Variants in UTP20 observed in about 807,000 individuals in gnomAD.
The protein encoded by UTP20 is small subunit processome component 20 homolog.
A neutral mutation model predicts 329.5 loss-of-function variants in UTP20; 164 were observed. The ratio of observed to expected loss-of-function variants is 0.50; its 90% CI spans 0.44 to 0.57. The LOEUF (loss-of-function observed/expected upper bound fraction) is 0.57, where lower values mean the gene tolerates loss of function less well. Ranked by LOEUF, UTP20 falls within the 20% of genes least tolerant of loss-of-function variation. UTP20 has a pLI of 0.00. For synonymous variants in UTP20, 1,151 were observed against 1,159.3 expected, an observed-to-expected ratio of 0.99 and a Z score of 0.14; for missense variants, 3,055 against 3,284.2, an observed-to-expected ratio of 0.93 and a Z score of 1.71.
intron 29 of UTP20, among the ~76,000 whole-genome samples, chr12:101,337,325 G>T (rs1285986146): frequency 6.6e-6 from 1 of 152,146 alleles, no homozygotes; most frequent in Non-Finnish European, 1.5e-5. Context: ...TTTTTCCAGT[G>T]ATGATAAATT....
chr12:101,340,671 T>TTGTGATAAAG, intron 32 of UTP20, 61 bp downstream of exon 32: 1 of 1,078,810 alleles, frequency 9.3e-7, no homozygotes, highest in East Asian at 2.4e-5. Flanking sequence ...CTAGGTTTAA[T>TTGTGATAAAG]TGCGAGCAGC....
chr12:101,303,605 C>T (rs1205170956), intron 15 of UTP20, among the ~76,000 whole-genome samples: 1 of 152,104 alleles, frequency 6.6e-6, no homozygotes, highest in Admixed American at 6.6e-5. Flanking sequence ...GTCATCTTGG[C>T]TGAGCAGAGC....
rs566317967 is a variant in UTP20, at chr12:101,367,907, A to G, written c.6315A>G (p.Glu2105=). The G allele has an allele frequency of 1.2e-6, 2 of 1,613,818 alleles. No individual in the cohort carries two copies. The highest frequency in any genetic ancestry group is 1.7e-6 in the Non-Finnish European group (2 of 1,179,820). The stretch of plus-strand genomic sequence containing the variant: ...CTTCCAAGATCAAGTCTTCAGGTGA[A>G]TGTGTCCTGGAAATGCTGGATCCTT... ...LKTSKIKSSG[E]CVLEMLDPFV... Residue 2105 remains glutamate (E), a synonymous_variant, in exon 48 of 62, where the codon GAA becomes GAG. Coordinates refer to ENST00000261637, the MANE Select transcript of UTP20 (RefSeq NM_014503.3).
Position 101,385,738 on chromosome 12 carries a change from C to T in UTP20, c.8202+10C>T, listed in dbSNP as rs1364837940. The T allele has an allele frequency of 1.2e-6, 2 of 1,607,706 alleles. No homozygotes were observed. Among genetic ancestry groups the T allele is most frequent in the African/African-American group, 1.3e-5 (1 of 74,518 alleles). On this transcript the variant is annotated intron_variant, in intron 61 of 61. Transcript: ENST00000261637. Reference sequence around the variant, plus strand: ...GAGGAAGGCCCTGGAGGTAAGTTTGCTCTTTGAAAATATGGCATGTTCACT... The same window carrying T: ...GAGGAAGGCCCTGGAGGTAAGTTTGTTCTTTGAAAATATGGCATGTTCACT...
chr12:101,316,593 G>C (rs141700651), intron 21 of UTP20, among the ~76,000 whole-genome samples: 2 of 152,288 alleles, frequency 1.3e-5, no homozygotes, highest in Admixed American at 6.5e-5. Flanking sequence ...CTTGGGCTAA[G>C]CTAGAGTTTC....
rs764867477 is a variant in UTP20 at position 101,371,183 on chromosome 12, C to T, written c.6798+15C>T. 3.2e-6 allele frequency: 5 copies of T among 1,581,010 alleles called. No individual in the cohort carries two copies. Among genetic ancestry groups the T allele is most frequent in the Non-Finnish European group, 4.3e-6 (5 of 1,161,442 alleles). On this transcript the variant is annotated intron_variant, in intron 51 of 61. Transcript: ENST00000261637. ...AGTGTAGACAGGTTTGTAGAGAGCA[C>T]TTATCCCCATAGCAAGGGCTGGGCC...
chr12:101,345,460 T>G (rs1016451299), intron 36 of UTP20, 94 bp from the exon 37 acceptor site: 47 of 913,350 alleles, frequency 5.1e-5, no homozygotes, highest in Admixed American at 1.3e-4. Flanking sequence ...GGAAATATTT[T>G]ACTTTTTAAA....
chr12:101,325,718 G>A (rs1394695134), intron 25 of UTP20, among the ~76,000 whole-genome samples: 2 of 152,186 alleles, frequency 1.3e-5, no homozygotes, highest in Non-Finnish European at 2.9e-5. Context: ...AGACATATAC[G>A]CTAGGATTCT....
intron 21 of UTP20, 106 bp from the exon 22 acceptor site, chr12:101,317,372 A>G (rs1873004430): frequency 8.2e-6 from 10 of 1,224,818 alleles, no homozygotes; most frequent in Non-Finnish European, 1.1e-5. Context: ...ATGTCTCTTC[A>G]GTGTGTGATT....
intron 55 of UTP20, among the ~76,000 whole-genome samples, chr12:101,375,324 G>A (rs908320977): frequency 6.6e-6 from 1 of 152,070 alleles, no homozygotes; most frequent in Non-Finnish European, 1.5e-5. Context: ...GAAGATCAAA[G>A]GTTCTCAACT....
chr12:101,291,825 A>G lies in UTP20; in HGVS notation c.975A>G (p.Thr325=), dbSNP rs1276877130. The G allele has an allele frequency of 1.9e-6, 3 of 1,613,796 alleles. No individual in the cohort carries two copies. Among genetic ancestry groups the G allele is most frequent in the Non-Finnish European group, 2.5e-6 (3 of 1,179,962 alleles). Residue 325 remains threonine, a synonymous_variant, in exon 9 of 62, where the codon ACA becomes ACG. Coordinates refer to ENST00000261637, the MANE Select transcript of UTP20 (RefSeq NM_014503.3). ...SSEQIKRLLE[T]YLILVKHGSG... Reference sequence around the variant, plus strand: ...AACAGATTAAAAGGTTGTTGGAAACATACCTTATACTTGTAAAACATGGAA... The same window carrying G: ...AACAGATTAAAAGGTTGTTGGAAACGTACCTTATACTTGTAAAACATGGAA...
chr12:101,369,288 T>G (rs1593452166), intron 48 of UTP20, among the ~76,000 whole-genome samples: 1 of 152,124 alleles, frequency 6.6e-6, no homozygotes, highest in Non-Finnish European at 1.5e-5. Context: ...GACCAACCTA[T>G]CCAAATCATA....
In UTP20 at chr12:101,299,681, G is replaced by A; in HGVS notation, c.1431-1G>A. On this transcript the variant is annotated splice_acceptor_variant, in intron 12 of 61. Transcript: ENST00000261637. LOFTEE classifies it high-confidence loss of function. ...TTTAAACATTTTTTTTAATCCTTCA[G>A]ATTCTATATAAAGCAGAAGAAGACT... is the stretch of plus-strand genomic sequence containing the variant. The A allele has an allele frequency of 6.4e-7, 1 of 1,572,344 alleles. No individual in the cohort carries two copies. Among genetic ancestry groups the A allele is most frequent in the Non-Finnish European group, 8.6e-7 (1 of 1,165,238 alleles).
chr12:101,316,479 A>G (rs1042226661), intron 21 of UTP20, among the ~76,000 whole-genome samples: 7 of 152,198 alleles, frequency 4.6e-5, no homozygotes, highest in Non-Finnish European at 8.8e-5. Context: ...TCATTCATCC[A>G]TTTTTTGATT....
intron 26 of UTP20, among the ~76,000 whole-genome samples, chr12:101,327,676 CTGT>C (rs1243478693): frequency 6.6e-6 from 1 of 152,128 alleles, no homozygotes; most frequent in African/African-American, 2.4e-5. Flanking sequence ...CCTGGACACT[CTGT>C]TAAGTTAAAA....
intron 11 of UTP20, among the ~76,000 whole-genome samples, chr12:101,295,150 A>G (rs1872307190): frequency 6.6e-6 from 1 of 152,004 alleles, no homozygotes; most frequent in African/African-American, 2.4e-5. Context: ...TTAGTCTCTA[A>G]TTTTGGTGGA....
intron 26 of UTP20, among the ~76,000 whole-genome samples, chr12:101,327,885 T>TTATAA (rs200381260): frequency 0.014 from 2,127 of 152,294 alleles, 27 homozygotes; most frequent in East Asian, 0.08. Flanking sequence ...TACTTATAAC[T>TTATAA]CAGTTGATCC....
chr12:101,355,904 G>A (rs1340979304), intron 41 of UTP20, among the ~76,000 whole-genome samples: 1 of 151,520 alleles, frequency 6.6e-6, no homozygotes, highest in African/African-American at 2.4e-5. Context: ...AGTTCCCACC[G>A]ACACACGTTT....
chr12:101,289,062 G>A lies in UTP20; in HGVS notation c.597+21G>A, dbSNP rs1428212696. On this transcript the variant is annotated intron_variant, in intron 6 of 61. Transcript: ENST00000261637. ...GAAAGGTTAGTCTGGTATTTTATCT[G>A]TTTGTTGCTAATCATCAAGAATCTG... 1.9e-6 allele frequency: 3 copies of A among 1,591,782 alleles called. No homozygotes were observed. The South Asian group carries it at 3.3e-5, about 18-fold the overall frequency.
Sources: allele counts gnomAD v4.1 joint callset (sites outside exome capture counted in the v4.1 genomes callset), GRCh38; gene constraint gnomAD v4.1.1; transcripts MANE v1.5; gene names NCBI Gene and HGNC (gene_info 2026-07-23, HGNC 2026-07-21).